The following BTNL9 variants were observed in gnomAD, a reference collection of about 807,000 sequenced individuals.
BTNL9 encodes butyrophilin-like protein 9.
In BTNL9, 45 loss-of-function variants were observed where a neutral mutation model predicts 45.8. That is an observed-to-expected ratio of 0.98 (90% confidence interval 0.77 to 1.26). The LOEUF (loss-of-function observed/expected upper bound fraction) is 1.26. Ranked by LOEUF, BTNL9 falls within the 50% of genes most tolerant of loss-of-function variation. BTNL9 has a pLI of 0.00. For missense variants in BTNL9, 784 were observed against 729.7 expected, an observed-to-expected ratio of 1.07 and a Z score of -0.86; for synonymous variants, 346 against 330.8, an observed-to-expected ratio of 1.05 and a Z score of -0.50.
rs934293153 is a variant in BTNL9, at chr5:181,059,665, A to G, written c.1411A>G (p.Ile471Val). ...CTTCAACGTGTCCGACGGCTCCCAC[A>G]TCTTCACCTTCCACGACACCTTCTC... is the stretch of plus-strand genomic sequence containing the variant. Reference protein sequence around the residue: ...SFFNVSDGSHIFTFHDTFSGA... With the variant: ...SFFNVSDGSHVFTFHDTFSGA... The change falls in exon 11 of 11, where the codon ATC becomes GTC. Residue 471 changes from isoleucine to valine, a missense_variant. Ile to Val is a conservative substitution (Grantham distance 29). Coordinates refer to ENST00000327705, the MANE Select transcript of BTNL9 (RefSeq NM_152547.5). The G allele has an allele frequency of 2.5e-6, 4 of 1,613,566 alleles. No homozygotes were observed. The highest frequency in any genetic ancestry group is 1.1e-5 in the South Asian group (1 of 91,052).
Position 181,058,367 on chromosome 5 carries a change from A to C in BTNL9, c.971A>C (p.Gln324Pro). Residue 324 changes from glutamine (Q) to proline (P), a missense_variant, in exon 10 of 11, where the codon CAA becomes CCA. Physicochemically the swap from Gln to Pro is moderately conservative, Grantham distance 76 (BLOSUM62 -1). Coordinates refer to ENST00000327705, the MANE Select transcript of BTNL9 (RefSeq NM_152547.5). ...AEGQAEWRAA[Q>P]KYAVDVTLDP... ...TTGGTTTCAGAGTGGAGAGCAGCCC[A>C]AAAATATGCAGGTAACTGAAGCCAG... The C allele has an allele frequency of 6.2e-7, 1 of 1,614,052 alleles. No homozygotes were observed. Among genetic ancestry groups the C allele is most frequent in the Non-Finnish European group, 8.5e-7 (1 of 1,179,940 alleles).
chr5:181,048,923 ATATATAT>A (rs1761382945), intron 3 of BTNL9, among the ~76,000 whole-genome samples: 1 of 86,966 alleles, frequency 1.1e-5, no homozygotes, highest in Non-Finnish European at 2.6e-5. Context: ...TATAAAAATA[ATATATAT>A]TATATAATAT....
Position 181,053,565 on chromosome 5 carries a change from G to C in BTNL9, c.886+64G>C. On this transcript the variant is annotated intron_variant, in intron 6 of 10. Coordinates refer to ENST00000327705, the MANE Select transcript of BTNL9 (RefSeq NM_152547.5). The surrounding 1 kb of genome is among the most constrained non-coding windows in gnomAD (Gnocchi z 6.5). ...GTGCCAAAACCCGCCGTCATCTAAA[G>C]GCTGTGGGTCCCGTTACGAGGGTTT... is the stretch of plus-strand genomic sequence containing the variant. 6.4e-7 allele frequency: 1 copy of C among 1,552,692 alleles called. No individual in the cohort carries two copies. Among genetic ancestry groups the C allele is most frequent in the Non-Finnish European group, 8.7e-7 (1 of 1,147,948 alleles).
chr5:181,055,646 G>T lies in BTNL9; in HGVS notation c.928+193G>T. 1.4e-6 allele frequency: 1 copy of T among 716,732 alleles called. No individual in the cohort carries two copies. 44.4% of individuals were successfully genotyped at this position (716,732 alleles called of 1,614,324 possible). ...TAGCCCGGCGTGGCGGCATGTGCCT[G>T]TAGTCCCAGCTACATGGGAGGCTGA... On this transcript the variant is annotated intron_variant, in intron 8 of 10. Transcript: ENST00000327705. The surrounding 1 kb of genome is among the most constrained non-coding windows in gnomAD (Gnocchi z 4.4).
intron 9 of BTNL9, 122 bp from the exon 10 acceptor site, chr5:181,058,230 C>A: frequency 1.7e-6 from 2 of 1,178,910 alleles, no homozygotes; most frequent in South Asian, 1.3e-5. Context: ...AACCAGTTGT[C>A]ACAGTGGGAA....
At chr5:181,049,650 C>T (rs1385200076) in intron 3 of BTNL9, among the ~76,000 whole-genome samples, 1 of 152,184 alleles carries the variant, frequency 6.6e-6, no homozygotes, top group East Asian at 1.9e-4. Context: ...GTTTTGCATA[C>T]TCAAAATATA....
In BTNL9 at chr5:181,059,646, C is replaced by A. The variant is rs1160030057; in HGVS notation, c.1392C>A (p.Asn464Lys). 2 of 1,613,558 alleles carry A rather than the reference C, an allele frequency of 1.2e-6. No homozygotes were observed. The highest frequency in any genetic ancestry group is 3.3e-5 in the Admixed American group (2 of 60,008). The change falls in exon 11 of 11, where the codon AAC (asparagine) becomes AAA (lysine). Residue 464 changes from asparagine to lysine, a missense_variant. Coordinates refer to ENST00000327705, the MANE Select transcript of BTNL9 (RefSeq NM_152547.5). Reference protein sequence around the residue: ...DYEAGELSFFNVSDGSHIFTF... With the variant: ...DYEAGELSFFKVSDGSHIFTF... ...AGGCCGGAGAGCTGTCCTTCTTCAACGTGTCCGACGGCTCCCACATCTTCA... is the reference window on the plus strand; with the variant it reads ...AGGCCGGAGAGCTGTCCTTCTTCAAAGTGTCCGACGGCTCCCACATCTTCA...
At chr5:181,045,443 C>T (rs139601076) in intron 1 of BTNL9, 24 bp from the exon 2 acceptor site, 364 of 1,302,852 alleles carry the variant, frequency 2.8e-4, no homozygotes, top group Middle Eastern at 9.1e-4. Flanking sequence ...CACGTCGCTC[C>T]AGCACCCCTT....
chr5:181,057,573 C>A (rs562594349), intron 9 of BTNL9, among the ~76,000 whole-genome samples: 1 of 152,290 alleles, frequency 6.6e-6, no homozygotes, highest in African/African-American at 2.4e-5. Flanking sequence ...TTCTCCATTT[C>A]CACTTCCTTT....
At chr5:181,045,957 TCCTCCACCATCTCCCCAGCCTC>T (rs1489566852) in intron 2 of BTNL9, among the ~76,000 whole-genome samples, 29 of 34,456 alleles carry the variant, frequency 8.4e-4, no homozygotes, top group South Asian at 2.6e-3. Flanking sequence ...CTCCAACACC[TCCTCCACCATCTCCCCAGCCTC>T]CAACACCTCC....
At chr5:181,058,510 A>G in intron 10 of BTNL9, 132 bp downstream of exon 10, 1 of 1,218,968 alleles carries the variant, frequency 8.2e-7, no homozygotes, top group Non-Finnish European at 1.2e-6. Flanking sequence ...CACAAGACAC[A>G]CACGCACACT....
chr5:181,046,367 G>T (rs1340006745), intron 2 of BTNL9, among the ~76,000 whole-genome samples: 1 of 151,284 alleles, frequency 6.6e-6, no homozygotes, highest in Non-Finnish European at 1.5e-5. Flanking sequence ...CCAGCACTCC[G>T]AAATCCACAG....
rs1200634656 is a variant in BTNL9, at chr5:181,058,395, A to C, written c.982+17A>C. ...AATATGCAGGTAACTGAAGCCAGGA[A>C]ACTGATTTGTGTTTTGGTTTGGCCG... On this transcript the variant is annotated intron_variant, in intron 10 of 10. Coordinates refer to ENST00000327705, the MANE Select transcript of BTNL9 (RefSeq NM_152547.5). 6.2e-7 allele frequency: 1 copy of C among 1,613,984 alleles called. No individual in the cohort carries two copies. The highest frequency in any genetic ancestry group is 1.3e-5 in the African/African-American group (1 of 74,912).
At position 181,059,339 on chromosome 5, in the gene BTNL9, G is replaced by T. The variant is rs1300297010; in HGVS notation, c.1085G>T (p.Gly362Val). 1.3e-6 allele frequency: 2 copies of T among 1,545,432 alleles called. No homozygotes were observed. Among genetic ancestry groups the T allele is most frequent in the South Asian group, 2.4e-5 (2 of 84,344 alleles). ...GGGGCGCCGCCAGGCCCGGCGCCTG[G>T]CCACCCGCAGCGGTTCTCGGAGCAG... is the stretch of plus-strand genomic sequence containing the variant. ...SRGAPPGPAPGHPQRFSEQTC... is the reference protein window; with the variant it reads ...SRGAPPGPAPVHPQRFSEQTC... The change falls in exon 11 of 11, where the codon GGC (glycine) becomes GTC (valine). Residue 362 changes from glycine to valine, a missense_variant. By Grantham distance (109) the Gly-to-Val change is moderately radical. Coordinates refer to ENST00000327705, the MANE Select transcript of BTNL9 (RefSeq NM_152547.5).
chr5:181,047,383 T>C, intron 2 of BTNL9: 1 of 567,230 alleles, frequency 1.8e-6, no homozygotes, highest in Non-Finnish European at 2.2e-6. Context: ...TGGATGATTT[T>C]TGATACCCTT....
At chr5:181,054,880 A>G (rs752481585) in intron 7 of BTNL9, 1 of 985,498 alleles carries the variant, frequency 1.0e-6, no homozygotes, top group Non-Finnish European at 1.2e-6. Flanking sequence ...TGTAAGTCAT[A>G]ACACTATAGC....
rs562416003 is a variant in BTNL9 at position 181,056,638 on chromosome 5, G to A, written c.955+623G>A. ...CATAGTCTCAAACGTGTTGCCTTAC[G>A]GCGCTGTGTGGAGATTTCTCTGGGG... On this transcript the variant is annotated intron_variant, in intron 9 of 10. Transcript: ENST00000327705. 5.5e-4 allele frequency: 396 copies of A among 717,076 alleles called. 5 individuals are homozygous for A. The highest frequency in any genetic ancestry group is 7.5e-5 in the Non-Finnish European group (29 of 384,960). 44.4% of individuals were successfully genotyped at this position (717,076 alleles called of 1,614,324 possible). A position where few individuals can be genotyped will look rare whatever the true frequency, so the allele number is the denominator to read the frequency against.
At chr5:181,040,594 A>T (rs1356825013) in intron 1 of BTNL9, among the ~76,000 whole-genome samples, 162 bp downstream of exon 1, 1 of 152,204 alleles carries the variant, frequency 6.6e-6, no homozygotes, top group Admixed American at 6.5e-5. Flanking sequence ...CCAAGAGGAG[A>T]TGTCCACGCC....
In BTNL9 at chr5:181,055,777, A is replaced by C. The variant is rs1761848282; in HGVS notation, c.929-212A>C. ...GAGCGAGACTCTGTCTCAAAAAAAA[A>C]AAGAACTATTTCTCCTCATTCATCA... On this transcript the variant is annotated intron_variant, in intron 8 of 10. Coordinates refer to ENST00000327705, the MANE Select transcript of BTNL9 (RefSeq NM_152547.5). The surrounding 1 kb of genome is among the most constrained non-coding windows in gnomAD (Gnocchi z 4.4). 2 of 725,722 alleles carry C rather than the reference A, an allele frequency of 2.8e-6. No individual in the cohort carries two copies. Among genetic ancestry groups the C allele is most frequent in the Non-Finnish European group, 5.0e-6 (2 of 400,348 alleles). The allele number at this position is 725,722 out of a possible 1,614,324, so 45.0% of individuals were successfully genotyped here.
Sources: allele counts gnomAD v4.1 joint callset (sites outside exome capture counted in the v4.1 genomes callset), GRCh38; gene constraint gnomAD v4.1.1; non-coding constraint Gnocchi (gnomAD v3.1); transcripts MANE v1.5; gene names NCBI Gene and HGNC (gene_info 2026-07-23, HGNC 2026-07-21).